C8orf34: variants seen among roughly 807,000 people sequenced by gnomAD.
The protein encoded by C8orf34 is chromosome 8 open reading frame 34.
Under a neutral mutation model 68.3 loss-of-function variants are expected in C8orf34, and 65 were observed. That is an observed-to-expected ratio of 0.95 (90% CI 0.78 to 1.17). C8orf34 has a LOEUF of 1.17. C8orf34 is among the 50% of genes most tolerant of loss of function. The pLI, the probability that C8orf34 is intolerant of heterozygous loss-of-function variation, is 0.00. For synonymous variants in C8orf34, 244 were observed against 241.2 expected, an observed-to-expected ratio of 1.01 and a Z score of -0.11; for missense variants, 664 against 655.4, an observed-to-expected ratio of 1.01 and a Z score of -0.14.
chr8:68,798,754 A>G (rs1015179117), intron 12 of C8orf34, among the ~76,000 whole-genome samples: 13 of 152,142 alleles, frequency 8.5e-5, no homozygotes, highest in Admixed American at 6.5e-4. Flanking sequence ...TTTGTGTGCT[A>G]TTCTTATTTT....
At chr8:68,459,279 G>C (rs746458790) in intron 3 of C8orf34, among the ~76,000 whole-genome samples, 6 of 152,098 alleles carry the variant, frequency 3.9e-5, no homozygotes, top group Middle Eastern at 3.4e-3. Context: ...ACCCAGGCTG[G>C]AGTGCAGTGG....
intron 10 of C8orf34, among the ~76,000 whole-genome samples, chr8:68,747,709 C>T (rs1445810196): frequency 2.0e-5 from 3 of 152,028 alleles, no homozygotes; most frequent in African/African-American, 7.3e-5. Flanking sequence ...AGGAGAACTG[C>T]AAACCACTGC....
At chr8:68,347,710 C>A (rs1585958561) in intron 1 of C8orf34, among the ~76,000 whole-genome samples, 1 of 151,914 alleles carries the variant, frequency 6.6e-6, no homozygotes, top group Admixed American at 6.6e-5. Flanking sequence ...ATCTAATGAT[C>A]AGTGATGTTG....
chr8:68,424,115 T>C (rs1358513142), intron 1 of C8orf34, among the ~76,000 whole-genome samples: 1 of 151,620 alleles, frequency 6.6e-6, no homozygotes, highest in Non-Finnish European at 1.5e-5. Flanking sequence ...GCTTCTTCCC[T>C]CCCCCCTGCC....
chr8:68,408,096 C>G (rs1222646597), intron 1 of C8orf34, among the ~76,000 whole-genome samples: 1 of 152,072 alleles, frequency 6.6e-6, no homozygotes, highest in East Asian at 1.9e-4. Context: ...GCTCTCATTA[C>G]CTCCTGAGCT....
intron 7 of C8orf34, among the ~76,000 whole-genome samples, chr8:68,542,908 A>G (rs1241982535): frequency 1.3e-5 from 2 of 152,124 alleles, no homozygotes; most frequent in Admixed American, 6.6e-5. Flanking sequence ...TGTTTAAAAC[A>G]TACTCTCTAA....
intron 8 of C8orf34, among the ~76,000 whole-genome samples, chr8:68,701,513 A>T (rs1177992263): frequency 6.6e-6 from 1 of 150,876 alleles, no homozygotes; most frequent in East Asian, 2.0e-4. Context: ...AAATATTCAC[A>T]TTTTTTTTTC....
chr8:68,721,718 A>C (rs910541706), intron 10 of C8orf34, among the ~76,000 whole-genome samples: 4 of 151,994 alleles, frequency 2.6e-5, no homozygotes, highest in African/African-American at 9.7e-5. Flanking sequence ...AGTAAAACAA[A>C]TATTTTGCAT....
chr8:68,491,314 TA>T (rs1312462270), intron 5 of C8orf34, among the ~76,000 whole-genome samples: 2 of 152,144 alleles, frequency 1.3e-5, no homozygotes, highest in Admixed American at 1.3e-4. Flanking sequence ...CTTCGATGAC[TA>T]CTGTATTGGC....
chr8:68,386,122 A>G (rs1051573076), intron 1 of C8orf34, among the ~76,000 whole-genome samples: 5 of 152,042 alleles, frequency 3.3e-5, no homozygotes, highest in Non-Finnish European at 7.4e-5. Flanking sequence ...GCCCAGGCTG[A>G]TCTTGAATGC....
At chr8:68,382,088 T>C (rs1315643721) in intron 1 of C8orf34, among the ~76,000 whole-genome samples, 1 of 152,238 alleles carries the variant, frequency 6.6e-6, no homozygotes, top group Non-Finnish European at 1.5e-5. Context: ...CCATTCATGA[T>C]GTATTCCATA....
At chr8:68,553,688 G>A (rs138980194) in intron 7 of C8orf34, among the ~76,000 whole-genome samples, 433 of 152,046 alleles carry the variant, frequency 2.8e-3, no homozygotes, top group African/African-American at 9.3e-3. Context: ...ATGGTCAGTA[G>A]CCCCCTTTTT....
chr8:68,523,921 C>T (rs780515505), intron 6 of C8orf34, among the ~76,000 whole-genome samples: 7 of 152,188 alleles, frequency 4.6e-5, no homozygotes, highest in Non-Finnish European at 8.8e-5. Flanking sequence ...ATGACTCCAT[C>T]CATTTTTCAC....
chr8:68,456,668 A>G (rs899041174), intron 3 of C8orf34, among the ~76,000 whole-genome samples: 3 of 151,928 alleles, frequency 2.0e-5, no homozygotes, highest in East Asian at 1.9e-4. Context: ...TATATTATCA[A>G]TCTTCAATAG....
intron 12 of C8orf34, among the ~76,000 whole-genome samples, chr8:68,814,925 G>A (rs563144754): frequency 6.6e-6 from 1 of 152,188 alleles, no homozygotes; most frequent in East Asian, 1.9e-4. Flanking sequence ...CCTTAGTGTA[G>A]GACTTCTAAG....
intron 8 of C8orf34, among the ~76,000 whole-genome samples, chr8:68,700,622 A>C (rs1222219020): frequency 6.6e-6 from 1 of 152,126 alleles, no homozygotes; most frequent in Non-Finnish European, 1.5e-5. Context: ...GGACAGTATC[A>C]GACCTTGGTG....
At chr8:68,613,757 C>T (rs1479591286) in intron 7 of C8orf34, among the ~76,000 whole-genome samples, 1 of 151,946 alleles carries the variant, frequency 6.6e-6, no homozygotes, top group East Asian at 1.9e-4. Context: ...TATACATGTG[C>T]ATGTGTCTTT....
intron 8 of C8orf34, 80 bp from the exon 9 acceptor site, chr8:68,708,914 C>A: frequency 1.0e-6 from 1 of 978,174 alleles, no homozygotes; most frequent in Non-Finnish European, 1.6e-6. Flanking sequence ...AAGTTCACAG[C>A]CATGTCCCCC....
intron 1 of C8orf34, among the ~76,000 whole-genome samples, chr8:68,352,663 A>G (rs1307924213): frequency 6.6e-6 from 1 of 152,104 alleles, no homozygotes; most frequent in Non-Finnish European, 1.5e-5. Flanking sequence ...AAATTTGGTA[A>G]TATTGCAAAT....
Sources: allele counts gnomAD v4.1 joint callset (sites outside exome capture counted in the v4.1 genomes callset), GRCh38; gene constraint gnomAD v4.1.1; transcripts MANE v1.5; gene names NCBI Gene and HGNC (gene_info 2026-07-23, HGNC 2026-07-21).